The following CREB3L2 variants were observed in gnomAD, a reference collection of about 807,000 sequenced individuals.
The protein encoded by CREB3L2 is cAMP responsive element binding protein 3 like 2, also known as cyclic AMP-responsive element-binding protein 3-like protein 2.
In CREB3L2, 23 loss-of-function variants were observed where a neutral mutation model predicts 57.2. The observed-to-expected ratio is 0.40, with a 90% confidence interval of 0.29 to 0.57. The LOEUF (loss-of-function observed/expected upper bound fraction) is 0.57, where lower values mean the gene tolerates loss of function less well. CREB3L2 is among the 20% of genes least tolerant of loss of function. The probability of loss-of-function intolerance (pLI) is 0.42; values close to 1 mark genes in which losing one functional copy is unlikely to be tolerated. For missense variants in CREB3L2, 628 were observed against 634.7 expected, an observed-to-expected ratio of 0.99 and a Z score of 0.11; for synonymous variants, 268 against 265.1, an observed-to-expected ratio of 1.01 and a Z score of -0.11.
rs1417489405 is a variant in CREB3L2, at chr7:137,951,025, G to A, written c.103-22659C>T. Reference sequence around the variant, plus strand: ...CACTTTCATGGTCATTTGAGAATCCGCATAGAGTGGCAAAAAATTTGAGTC... The same window carrying A: ...CACTTTCATGGTCATTTGAGAATCCACATAGAGTGGCAAAAAATTTGAGTC... On this transcript the variant is annotated intron_variant, in intron 1 of 11. Transcript: ENST00000330387. Among the ~76,000 whole-genome samples the A allele has an allele frequency of 3.3e-5, 5 of 152,174 alleles. No individual in the cohort carries two copies. In the East Asian group the frequency reaches 5.8e-4, roughly 18 times the overall value.
chr7:137,952,676 G>A (rs1801125201), intron 1 of CREB3L2, among the ~76,000 whole-genome samples: 1 of 152,162 alleles, frequency 6.6e-6, no homozygotes, highest in Non-Finnish European at 1.5e-5. Flanking sequence ...AGAAGGAAGT[G>A]CTCAGTAAGT....
At chr7:137,955,835 G>A (rs1325439126) in intron 1 of CREB3L2, among the ~76,000 whole-genome samples, 3 of 152,130 alleles carry the variant, frequency 2.0e-5, no homozygotes, top group Non-Finnish European at 4.4e-5. Flanking sequence ...CATCGCCAAG[G>A]TCTGATGTTT....
rs564670456 is a variant in CREB3L2, at chr7:137,972,736, TAGAGAGAGAGAGAGAGAGAGAGAG to T, written c.102+28844_102+28867del. Among the ~76,000 whole-genome samples the T allele has an allele frequency of 7.3e-3, 162 of 22,316 alleles. 15 individuals are homozygous for T. Among genetic ancestry groups the T allele is most frequent in the Non-Finnish European group, 8.3e-3 (100 of 12,094 alleles). The allele number at this position is 22,316 out of a possible 152,430, so 14.6% of individuals were successfully genotyped here. ...AAATATATATATATATATATATATA[TAGAGAGAGAGAGAGAGAGAGAGAG>T]AGAGAGAGAGAAAAGAAAAAGAAAA... On this transcript the variant is annotated intron_variant, in intron 1 of 11. Coordinates refer to ENST00000330387, the MANE Select transcript of CREB3L2 (RefSeq NM_194071.4).
At position 137,880,203 on chromosome 7, in the gene CREB3L2, T is replaced by C; in HGVS notation, c.*273A>G. On this transcript the variant is annotated 3_prime_UTR_variant, in exon 12 of 12. Transcript: ENST00000330387. The surrounding 1 kb of genome is among the most constrained non-coding windows in gnomAD (Gnocchi z 4.0). ...GCACTATTGGTGGAAACAAGCCTGC[T>C]TGTCCCACCTCCAACCCCTAAAATA... is the stretch of plus-strand genomic sequence containing the variant. The C allele has an allele frequency of 2.9e-5, 14 of 490,224 alleles. 1 individual carries two copies. The South Asian group carries it at 3.4e-4, about 12-fold the overall frequency. The allele number at this position is 490,224 out of a possible 1,614,324, so 30.4% of individuals were successfully genotyped here.
chr7:137,988,784 A>G (rs1801832951), intron 1 of CREB3L2, among the ~76,000 whole-genome samples: 1 of 152,148 alleles, frequency 6.6e-6, no homozygotes, highest in Non-Finnish European at 1.5e-5. Context: ...ACTTATCTGG[A>G]GAGAAGAATG....
intron 10 of CREB3L2, among the ~76,000 whole-genome samples, chr7:137,883,382 AC>A (rs1799340613): frequency 1.3e-5 from 2 of 152,218 alleles, no homozygotes; most frequent in African/African-American, 4.8e-5. Flanking sequence ...CATGGGGAAT[AC>A]ATTTCAAGAC....
chr7:137,895,640 T>C (rs1450201981), intron 8 of CREB3L2, among the ~76,000 whole-genome samples: 2 of 15,576 alleles, frequency 1.3e-4, no homozygotes, highest in East Asian at 4.5e-3. Context: ...CTGAGTCCAG[T>C]ACAAAAAAAA....
intron 2 of CREB3L2, among the ~76,000 whole-genome samples, chr7:137,923,662 T>C (rs1040239825): frequency 6.6e-6 from 1 of 152,242 alleles, no homozygotes; most frequent in Non-Finnish European, 1.5e-5. Context: ...TCTTCAACAC[T>C]GCAAAGCAAA....
chr7:137,895,645 A>AAAAAAAAAAAAAG (rs922884591), intron 8 of CREB3L2, among the ~76,000 whole-genome samples: 4 of 151,568 alleles, frequency 2.6e-5, no homozygotes, highest in African/African-American at 9.7e-5. Flanking sequence ...TCCAGTACAA[A>AAAAAAAAAAAAAG]AAAAAAAAGA....
intron 8 of CREB3L2, 130 bp downstream of exon 8, chr7:137,901,224 C>T: frequency 3.1e-6 from 2 of 642,454 alleles, no homozygotes. Flanking sequence ...CCATGCTGAG[C>T]ATCTCAGCAC....
chr7:137,911,582 A>G (rs1800006172), intron 4 of CREB3L2, among the ~76,000 whole-genome samples: 1 of 152,246 alleles, frequency 6.6e-6, no homozygotes, highest in Non-Finnish European at 1.5e-5. Flanking sequence ...ACATGCCTTT[A>G]ATCCTAACAC....
intron 1 of CREB3L2, among the ~76,000 whole-genome samples, chr7:137,990,452 G>A (rs562833096): frequency 6.6e-6 from 1 of 152,220 alleles, no homozygotes; most frequent in South Asian, 2.1e-4. Flanking sequence ...ATTTAATGAC[G>A]CATCTTCCTT....
chr7:137,966,691 A>T (rs1801412802), intron 1 of CREB3L2, among the ~76,000 whole-genome samples: 1 of 152,174 alleles, frequency 6.6e-6, no homozygotes, highest in South Asian at 2.1e-4. Context: ...GGTAGAAAGG[A>T]AGGACCTATG....
chr7:137,923,632 A>G (rs1373857172), intron 2 of CREB3L2, among the ~76,000 whole-genome samples: 1 of 152,202 alleles, frequency 6.6e-6, no homozygotes, highest in Non-Finnish European at 1.5e-5. Context: ...ACTTCTATGG[A>G]CCATGTCAAC....
In CREB3L2 at chr7:137,909,033, G is replaced by A. The variant is rs139170677; in HGVS notation, c.584-597C>T. Among the ~76,000 whole-genome samples, 910 of 152,284 alleles carry A rather than the reference G, an allele frequency of 6.0e-3. 3 individuals are homozygous for A. The highest frequency in any genetic ancestry group is 9.0e-3 in the Non-Finnish European group (610 of 68,026). ...GAGAATTGCTTGAACCCAGGAGTTA[G>A]GGGTTGCAGTGAGCCAAGATCACAC... On this transcript the variant is annotated intron_variant, in intron 4 of 11. Transcript: ENST00000330387.
Position 137,882,496 on chromosome 7 carries a change from C to T in CREB3L2, c.1403G>A (p.Arg468Lys), listed in dbSNP as rs1799317439. ...SLLRVSGLES[R>K]PDVDLPHFII... ...GAAATGGGGAAGATCCACATCCGGCCTGGACTCCAGCCCTGACACCCTGAG... is the reference window on the plus strand; with the variant it reads ...GAAATGGGGAAGATCCACATCCGGCTTGGACTCCAGCCCTGACACCCTGAG... Residue 468 changes from arginine (R) to lysine (K), a missense_variant, in exon 11 of 12, where the codon AGG becomes AAG. By Grantham distance (26) the Arg-to-Lys change is conservative. This residue lies in a region of CREB3L2 where 272 missense variants were observed against 242.7 expected (regional missense o/e 1.12). Transcript: ENST00000330387. The T allele has an allele frequency of 6.2e-7, 1 of 1,614,016 alleles. No individual in the cohort carries two copies. The highest frequency in any genetic ancestry group is 8.5e-7 in the Non-Finnish European group (1 of 1,179,992).
chr7:137,976,443 G>A (rs1801609611), intron 1 of CREB3L2, among the ~76,000 whole-genome samples: 1 of 148,570 alleles, frequency 6.7e-6, no homozygotes, highest in African/African-American at 2.6e-5. Flanking sequence ...ATCATCTGGA[G>A]AAGTGGTTAT....
chr7:137,903,166 C>T (rs532337035), intron 7 of CREB3L2, among the ~76,000 whole-genome samples: 6 of 152,198 alleles, frequency 3.9e-5, no homozygotes, highest in Admixed American at 6.5e-5. Context: ...AATCTGAGGA[C>T]GCTGAACCCC....
intron 3 of CREB3L2, among the ~76,000 whole-genome samples, chr7:137,915,512 T>C (rs1048989818): frequency 6.6e-6 from 1 of 152,110 alleles, no homozygotes; most frequent in African/African-American, 2.4e-5. Flanking sequence ...ATCACTCCCT[T>C]TCCACTGCTT....
Sources: allele counts gnomAD v4.1 joint callset (sites outside exome capture counted in the v4.1 genomes callset), GRCh38; gene constraint gnomAD v4.1.1; regional missense constraint gnomAD v4.1.1; non-coding constraint Gnocchi (gnomAD v3.1); transcripts MANE v1.5; gene names NCBI Gene and HGNC (gene_info 2026-07-23, HGNC 2026-07-21).